Variants in HNRNPUL2 observed in about 807,000 individuals in gnomAD.
HNRNPUL2 encodes heterogeneous nuclear ribonucleoprotein U like 2.
In HNRNPUL2, 27 loss-of-function variants were observed where a neutral mutation model predicts 102.2. That is an observed-to-expected ratio of 0.26 (90% confidence interval 0.19 to 0.36). The LOEUF (loss-of-function observed/expected upper bound fraction) is 0.36, where lower values mean the gene tolerates loss of function less well. Among genes scored for constraint, HNRNPUL2 ranks in the 10% least tolerant of loss-of-function variants. The pLI is 1.00. For synonymous variants in HNRNPUL2, 458 were observed against 387.2 expected (o/e 1.18, Z -2.15); for missense variants, 936 against 981.1 (o/e 0.95, Z 0.61).
At chr11:62,724,134 G>T in intron 2 of HNRNPUL2, 144 bp from the exon 3 acceptor site, 2 of 1,176,692 alleles carry the variant, frequency 1.7e-6, no homozygotes, top group Non-Finnish European at 2.4e-6. Flanking sequence ...ATGAGAAAGG[G>T]CAATAGGAGT....
At position 62,712,839 on chromosome 11, in the gene HNRNPUL2, T is replaced by C. The variant is rs946318533; in HGVS notation, c.*2460A>G. On this transcript the variant is annotated 3_prime_UTR_variant, in exon 14 of 14. Transcript: ENST00000301785. ...TGTGCAAAAACATTTACAGGCTCCA[T>C]GTGGTGTTTTTCTCACAAGCTTTCC... 7 of 152,196 alleles carry C rather than the reference T, an allele frequency of 4.6e-5. No homozygotes were observed. The highest frequency in any genetic ancestry group is 1.7e-4 in the African/African-American group (7 of 41,454). The allele number at this position is 152,196 out of a possible 1,614,324, so 9.4% of individuals were successfully genotyped here.
Position 62,726,920 on chromosome 11 carries a change from T to TTCG in HNRNPUL2, c.234_236dup (p.Asp78dup). The TTCG allele has an allele frequency of 6.5e-7, 1 of 1,528,344 alleles. No homozygotes were observed. Among genetic ancestry groups the TTCG allele is most frequent in the South Asian group, 1.2e-5 (1 of 83,278 alleles). 94.7% of individuals were successfully genotyped at this position (1,528,344 alleles called of 1,614,324 possible). On this transcript the variant is annotated inframe_insertion, in exon 1 of 14. Coordinates refer to ENST00000301785, the MANE Select transcript of HNRNPUL2 (RefSeq NM_001079559.3). ...CCTCCTCGTCCTCCTCCTCCTCCTCTTCGTCCTCCTCCTCGTCCCCGCCCG... is the reference window on the plus strand; with the variant it reads ...CCTCCTCGTCCTCCTCCTCCTCCTCTTCGTCGTCCTCCTCCTCGTCCCCGCCCG...
chr11:62,720,302 T>C, intron 9 of HNRNPUL2, 111 bp from the exon 10 acceptor site: 4 of 1,003,566 alleles, frequency 4.0e-6, no homozygotes, highest in Admixed American at 4.1e-5. Flanking sequence ...TCCTAGCACT[T>C]TGGGAGGCCG....
At position 62,713,196 on chromosome 11, in the gene HNRNPUL2, C is replaced by G. The variant is rs570610503; in HGVS notation, c.*2103G>C. 4.6e-5 allele frequency: 7 copies of G among 152,328 alleles called. No homozygotes were observed. Among genetic ancestry groups the G allele is most frequent in the Non-Finnish European group, 1.0e-4 (7 of 68,026 alleles). The allele number at this position is 152,328 out of a possible 1,614,324, so 9.4% of individuals were successfully genotyped here. A position where few individuals can be genotyped will look rare whatever the true frequency, so the allele number is the denominator to read the frequency against. Reference sequence around the variant, plus strand: ...ACTTGATTTAGTTTAGTCCCCTTGCCCCTAAGGGCCCTAGCATCCCCATCC... The same window carrying G: ...ACTTGATTTAGTTTAGTCCCCTTGCGCCTAAGGGCCCTAGCATCCCCATCC... On this transcript the variant is annotated 3_prime_UTR_variant, in exon 14 of 14. Transcript: ENST00000301785.
chr11:62,726,214 G>A (rs1012945591), intron 1 of HNRNPUL2, among the ~76,000 whole-genome samples: 1 of 152,130 alleles, frequency 6.6e-6, no homozygotes, highest in African/African-American at 2.4e-5. Context: ...TTTTTACGGC[G>A]AAAAAGTTAG....
rs1302082460 is a variant in HNRNPUL2 at position 62,720,150 on chromosome 11, C to G, written c.1653G>C (p.Leu551=). 6.2e-7 allele frequency: 1 copy of G among 1,614,080 alleles called. No individual in the cohort carries two copies. The highest frequency in any genetic ancestry group is 2.2e-5 in the East Asian group (1 of 44,888). The part of the protein sequence containing the change: ...YNSGQRRKLL[L]FKTFSRKVVV... ...CCACTTTCCGAGAGAAGGTCTTGAA[C>G]AGCAATAGCTTCCGCCGTTGGCCAG... is the stretch of plus-strand genomic sequence containing the variant. Residue 551 remains leucine (L), a synonymous_variant, in exon 10 of 14, where the codon CTG becomes CTC. Transcript: ENST00000301785.
rs1169993966 is a variant in HNRNPUL2 at position 62,713,889 on chromosome 11, A to C, written c.*1410T>G. 1.3e-5 allele frequency: 2 copies of C among 152,252 alleles called. No homozygotes were observed. Among genetic ancestry groups the C allele is most frequent in the African/African-American group, 4.8e-5 (2 of 41,444 alleles). 9.4% of individuals were successfully genotyped at this position (152,252 alleles called of 1,614,324 possible). On this transcript the variant is annotated 3_prime_UTR_variant, in exon 14 of 14. Coordinates refer to ENST00000301785, the MANE Select transcript of HNRNPUL2 (RefSeq NM_001079559.3). ...TGAAAGAGCATTCCATATCCCACCCATATTCTTGAACCCAGCAACCTACAG... is the reference window on the plus strand; with the variant it reads ...TGAAAGAGCATTCCATATCCCACCCCTATTCTTGAACCCAGCAACCTACAG...
intron 11 of HNRNPUL2, among the ~76,000 whole-genome samples, chr11:62,716,640 G>A (rs1376577704): frequency 6.6e-6 from 1 of 152,170 alleles, no homozygotes; most frequent in Non-Finnish European, 1.5e-5. Context: ...TGATTTCACT[G>A]CACAAATCCT....
In HNRNPUL2 at chr11:62,727,126, G is replaced by A. The variant is rs1052598793; in HGVS notation, c.31C>T (p.Leu11=). 7.6e-6 allele frequency: 11 copies of A among 1,450,086 alleles called. No homozygotes were observed. In the East Asian group the frequency reaches 2.2e-4, roughly 29 times the overall value. The allele number at this position is 1,450,086 out of a possible 1,614,324, so 89.8% of individuals were successfully genotyped here. A position where few individuals can be genotyped will look rare whatever the true frequency, so the allele number is the denominator to read the frequency against. The part of the protein sequence containing the change: MEVKRLKVTE[L]RSELQRRGLD... Reference sequence around the variant, plus strand: ...CCCCGCCGCTGCAGCTCCGACCGCAGCTCGGTCACTTTCAGCCGCTTCACC... The same window carrying A: ...CCCCGCCGCTGCAGCTCCGACCGCAACTCGGTCACTTTCAGCCGCTTCACC... Residue 11 remains leucine (L), a synonymous_variant, in exon 1 of 14, where the codon CTG becomes TTG. Transcript: ENST00000301785.
At chr11:62,715,786 C>G in intron 12 of HNRNPUL2, 78 bp downstream of exon 12, 1 of 1,399,890 alleles carries the variant, frequency 7.1e-7, no homozygotes, top group Non-Finnish European at 1.0e-6. Flanking sequence ...AGAAAACAGG[C>G]AAACCACTCT....
rs2083658132 is a variant in HNRNPUL2, at chr11:62,716,087, A to T, written c.1982-150T>A. 8.8e-6 allele frequency: 5 copies of T among 565,190 alleles called. No individual in the cohort carries two copies. In the South Asian group the frequency reaches 1.3e-4, roughly 14 times the overall value. 35.0% of individuals were successfully genotyped at this position (565,190 alleles called of 1,614,324 possible). On this transcript the variant is annotated intron_variant, in intron 11 of 13. Transcript: ENST00000301785. ...GCTCACACATGTTAATTAAAGCACCAGCCAGGAACTTTTAAAAAGTCTGAG... is the reference window on the plus strand; with the variant it reads ...GCTCACACATGTTAATTAAAGCACCTGCCAGGAACTTTTAAAAAGTCTGAG...
chr11:62,714,969 G>T lies in HNRNPUL2; in HGVS notation c.*330C>A. 1 of 206,596 alleles carries T rather than the reference G, an allele frequency of 4.8e-6. No homozygotes were observed. The allele number at this position is 206,596 out of a possible 1,614,324, so 12.8% of individuals were successfully genotyped here. A position where few individuals can be genotyped will look rare whatever the true frequency, so the allele number is the denominator to read the frequency against. The stretch of plus-strand genomic sequence containing the variant: ...GGGTGCCATTTTCAGTTCTTTTCCT[G>T]TCTGACTGTAGGGTATAGAACAGGC... On this transcript the variant is annotated 3_prime_UTR_variant, in exon 14 of 14. Transcript: ENST00000301785.
chr11:62,726,627 T>C lies in HNRNPUL2; in HGVS notation c.530A>G (p.Glu177Gly). 4 of 1,586,540 alleles carry C rather than the reference T, an allele frequency of 2.5e-6. No individual in the cohort carries two copies. Among genetic ancestry groups the C allele is most frequent in the Non-Finnish European group, 3.4e-6 (4 of 1,173,236 alleles). ...GGCTGCCAGCTCCTCACCCTGTTCCTCGGCGGCCTTGTCACCCGGCACCTC... is the reference window on the plus strand; with the variant it reads ...GGCTGCCAGCTCCTCACCCTGTTCCCCGGCGGCCTTGTCACCCGGCACCTC... ...GSEVPGDKAA[E>G]EQGDDQDSEK... The change falls in exon 1 of 14, where the codon GAG becomes GGG. Residue 177 changes from glutamate to glycine, a missense_variant. By Grantham distance (98) the Glu-to-Gly change is moderately conservative. Transcript: ENST00000301785.
In HNRNPUL2 at chr11:62,726,837, G is replaced by A. The variant is rs1239201061; in HGVS notation, c.320C>T (p.Ala107Val). The A allele has an allele frequency of 1.9e-6, 3 of 1,589,434 alleles. No individual in the cohort carries two copies. The highest frequency in any genetic ancestry group is 2.7e-5 in the African/African-American group (2 of 73,976). The stretch of plus-strand genomic sequence containing the variant: ...CTCCGGGGGCTCCGGCGGCGGCTGC[G>A]CGGCCTGACCCAAGGCTTGAGCAGG... ...PPPAQALGQA[A>V]QPPPEPPEAA... The change falls in exon 1 of 14, where the codon GCG becomes GTG. Residue 107 changes from alanine (A) to valine (V), a missense_variant. Ala to Val is a moderately conservative substitution (Grantham distance 64, BLOSUM62 0). Transcript: ENST00000301785.
In HNRNPUL2 at chr11:62,727,373, G is replaced by A; in HGVS notation, c.-217C>T. ...GTCTCCCCTCCCCCTTTCGGCTCACGGAGCCCAAAACAACGCAGCAGGGAG... is the reference window on the plus strand; with the variant it reads ...GTCTCCCCTCCCCCTTTCGGCTCACAGAGCCCAAAACAACGCAGCAGGGAG... On this transcript the variant is annotated 5_prime_UTR_variant, in exon 1 of 14. Coordinates refer to ENST00000301785, the MANE Select transcript of HNRNPUL2 (RefSeq NM_001079559.3). 1 of 525,082 alleles carries A rather than the reference G, an allele frequency of 1.9e-6. No homozygotes were observed. 32.5% of individuals were successfully genotyped at this position (525,082 alleles called of 1,614,324 possible).
chr11:62,715,072 A>C lies in HNRNPUL2; in HGVS notation c.*227T>G. On this transcript the variant is annotated 3_prime_UTR_variant, in exon 14 of 14. Transcript: ENST00000301785. ...TAGGTTTGAAATGTTTTATAGAATA[A>C]GACAATATTCTTTTCAACAAACTTT... is the stretch of plus-strand genomic sequence containing the variant. 1 of 541,958 alleles carries C rather than the reference A, an allele frequency of 1.8e-6. No homozygotes were observed. Among genetic ancestry groups the C allele is most frequent in the Non-Finnish European group, 3.3e-6 (1 of 304,204 alleles). 33.6% of individuals were successfully genotyped at this position (541,958 alleles called of 1,614,324 possible). A position where few individuals can be genotyped will look rare whatever the true frequency, so the allele number is the denominator to read the frequency against.
At chr11:62,717,586 T>C (rs909242073) in intron 10 of HNRNPUL2, among the ~76,000 whole-genome samples, 54 of 152,242 alleles carry the variant, frequency 3.5e-4, no homozygotes, top group African/African-American at 1.3e-3. Context: ...CCGGGCATGG[T>C]GGCTCACGCC....
chr11:62,727,319 T>C lies in HNRNPUL2; in HGVS notation c.-163A>G. The C allele has an allele frequency of 3.4e-6, 3 of 888,556 alleles. No individual in the cohort carries two copies. The highest frequency in any genetic ancestry group is 4.4e-6 in the Non-Finnish European group (3 of 683,226). 55.0% of individuals were successfully genotyped at this position (888,556 alleles called of 1,614,324 possible). On this transcript the variant is annotated 5_prime_UTR_variant, in exon 1 of 14. Coordinates refer to ENST00000301785, the MANE Select transcript of HNRNPUL2 (RefSeq NM_001079559.3). Reference sequence around the variant, plus strand: ...ACGCAGGAGCGGAGGCCGCGCACGGTCCCGCTGCGCAGTGTTTGCTTCTCC... The same window carrying C: ...ACGCAGGAGCGGAGGCCGCGCACGGCCCCGCTGCGCAGTGTTTGCTTCTCC...
At chr11:62,720,594 C>T (rs916614273) in intron 9 of HNRNPUL2, among the ~76,000 whole-genome samples, 5 of 148,888 alleles carry the variant, frequency 3.4e-5, no homozygotes, top group Non-Finnish European at 4.4e-5. Flanking sequence ...TGACAGCTCA[C>T]GCCTATAATC....
Sources: gnomAD v4.1 joint callset for allele counts (sites outside exome capture counted in the v4.1 genomes callset) on GRCh38, gnomAD v4.1.1 for gene constraint, MANE v1.5 for transcripts, NCBI Gene and HGNC (gene_info 2026-07-23, HGNC 2026-07-21) for gene names.